TRPC5: variants seen among roughly 807,000 people sequenced by gnomAD.
TRPC5 encodes transient receptor potential cation channel subfamily C member 5, also known as short transient receptor potential channel 5.
A neutral mutation model predicts 56.5 loss-of-function variants in TRPC5; 9 were observed. That is an observed-to-expected ratio of 0.16 (90% confidence interval 0.10 to 0.28). The LOEUF (loss-of-function observed/expected upper bound fraction) is 0.28. TRPC5 is among the 10% of genes least tolerant of loss of function. TRPC5 has a pLI of 1.00. For missense variants in TRPC5, 469 were observed against 748.9 expected, an observed-to-expected ratio of 0.63 and a Z score of 4.36; for synonymous variants, 282 against 278.5, an observed-to-expected ratio of 1.01 and a Z score of -0.13.
intron 7 of TRPC5, among the ~76,000 whole-genome samples, chrX:111,813,460 T>G (rs760538540): frequency 1.8e-5 from 2 of 112,485 alleles, no homozygotes; most frequent in African/African-American, 3.2e-5. Flanking sequence ...AGAGGTTAAA[T>G]GAACATGCCT....
In TRPC5 at chrX:111,910,429, G is replaced by A. The variant is rs916104288; in HGVS notation, c.900+1862C>T. Among the ~76,000 whole-genome samples, 92 of 111,952 alleles carry A rather than the reference G, an allele frequency of 8.2e-4. 1 individual carries two copies. The highest frequency in any genetic ancestry group is 2.8e-3 in the African/African-American group (87 of 30,827). Reference sequence around the variant, plus strand: ...AGAGAGGGAGGGATAAGAGAAGGATGGGCCTTTACTATATCTATTACCTGC... The same window carrying A: ...AGAGAGGGAGGGATAAGAGAAGGATAGGCCTTTACTATATCTATTACCTGC... On this transcript the variant is annotated intron_variant, in intron 3 of 10. Transcript: ENST00000262839.
rs1945825409 is a variant in TRPC5, at chrX:111,768,381, T to G, written c.*7932A>C. ...GTATTCTCCTTCCTGCTACCAAATG[T>G]TAGTTTGTAGCTGCAGACTGCATTC... On this transcript the variant is annotated 3_prime_UTR_variant, in exon 11 of 11. Coordinates refer to ENST00000262839, the MANE Select transcript of TRPC5 (RefSeq NM_012471.3). Among the ~76,000 whole-genome samples the G allele has an allele frequency of 8.9e-6, 1 of 112,114 alleles. No individual in the cohort carries two copies. Among genetic ancestry groups the G allele is most frequent in the African/African-American group, 3.2e-5 (1 of 30,856 alleles).
At chrX:112,041,373 T>C (rs1929887788) in intron 1 of TRPC5, among the ~76,000 whole-genome samples, 1 of 112,261 alleles carries the variant, frequency 8.9e-6, no homozygotes, top group Non-Finnish European at 1.9e-5. Flanking sequence ...GGAAAGAAAT[T>C]GAAATTATAA....
chrX:111,938,490 A>T (rs1234272327), intron 2 of TRPC5, among the ~76,000 whole-genome samples: 1 of 111,520 alleles, frequency 9.0e-6, no homozygotes, highest in African/African-American at 3.3e-5. Context: ...GGTTTGTCAC[A>T]GATAGCTCTT....
chrX:111,967,066 A>G (rs1168205437), intron 1 of TRPC5, among the ~76,000 whole-genome samples: 1 of 111,840 alleles, frequency 8.9e-6, no homozygotes, highest in Non-Finnish European at 1.9e-5. Flanking sequence ...ACATGATTGT[A>G]TATCTAGAAA....
chrX:111,821,351 C>T (rs1922023611), intron 7 of TRPC5, among the ~76,000 whole-genome samples: 1 of 111,795 alleles, frequency 8.9e-6, no homozygotes, highest in African/African-American at 3.3e-5. Flanking sequence ...TTTCCCCTCC[C>T]ACATTTTCAC....
At chrX:111,869,028 G>A (rs141621153) in intron 3 of TRPC5, among the ~76,000 whole-genome samples, 3 of 111,931 alleles carry the variant, frequency 2.7e-5, no homozygotes, top group East Asian at 5.7e-4. Flanking sequence ...GGAGAAAAAC[G>A]CCCAAAAGGG....
At chrX:111,907,500 C>T (rs1925669369) in intron 3 of TRPC5, among the ~76,000 whole-genome samples, 2 of 110,025 alleles carry the variant, frequency 1.8e-5, no homozygotes, top group African/African-American at 6.6e-5. Context: ...TGGTGCATGC[C>T]TGTAGTTCCA....
At chrX:111,976,292 G>A (rs896277530) in intron 1 of TRPC5, among the ~76,000 whole-genome samples, 2 of 110,187 alleles carry the variant, frequency 1.8e-5, no homozygotes, top group Admixed American at 9.7e-5. Flanking sequence ...GTGTGGTGGT[G>A]TGCACTTGTA....
At chrX:111,962,742 T>A (rs767777715) in intron 1 of TRPC5, among the ~76,000 whole-genome samples, 2 of 112,571 alleles carry the variant, frequency 1.8e-5, no homozygotes, top group East Asian at 5.6e-4. Context: ...GGTAAAATGT[T>A]ATCAAACAGC....
At position 111,886,734 on chromosome X, in the gene TRPC5, A is replaced by G. The variant is rs374519901; in HGVS notation, c.900+25557T>C. 1.1e-4 allele frequency among the ~76,000 whole-genome samples: 12 copies of G among 112,093 alleles called. No individual in the cohort carries two copies. In the East Asian group the frequency reaches 2.5e-3, roughly 24 times the overall value. On this transcript the variant is annotated intron_variant, in intron 3 of 10. Coordinates refer to ENST00000262839, the MANE Select transcript of TRPC5 (RefSeq NM_012471.3). ...CTCCCTCTCTGGTACTGTGGATTCAATTGCCAGAAGGTACCGAGGACTTGG... is the reference window on the plus strand; with the variant it reads ...CTCCCTCTCTGGTACTGTGGATTCAGTTGCCAGAAGGTACCGAGGACTTGG...
At chrX:111,978,851 C>T (rs181950115) in intron 1 of TRPC5, among the ~76,000 whole-genome samples, 10 of 110,915 alleles carry the variant, frequency 9.0e-5, no homozygotes, top group Admixed American at 1.9e-4. Context: ...TCAAGTCATA[C>T]GTTTTAAGTA....
intron 3 of TRPC5, among the ~76,000 whole-genome samples, chrX:111,893,801 T>C (rs1924927712): frequency 8.9e-6 from 1 of 112,236 alleles, no homozygotes; most frequent in Non-Finnish European, 1.9e-5. Flanking sequence ...GCAAATGCTG[T>C]ATTGCACACA....
intron 2 of TRPC5, among the ~76,000 whole-genome samples, chrX:111,928,448 G>GA (rs202232014): frequency 0.011 from 1,252 of 110,997 alleles, 15 homozygotes; most frequent in African/African-American, 0.038. Context: ...CATTTTGAGA[G>GA]AAAAAAAACA....
At chrX:111,913,177 G>C (rs775066160) in intron 2 of TRPC5, among the ~76,000 whole-genome samples, 174 of 111,550 alleles carry the variant, frequency 1.6e-3, no homozygotes, top group Non-Finnish European at 2.3e-3. Context: ...CCAAGCTCTA[G>C]AGTCAAATTG....
chrX:111,934,254 G>GTT (rs779910448), intron 2 of TRPC5, among the ~76,000 whole-genome samples: 1 of 90,969 alleles, frequency 1.1e-5, no homozygotes, highest in Non-Finnish European at 2.3e-5. Context: ...GTTTTGTTCT[G>GTT]TTTTTTTTTT....
chrX:111,847,496 C>G, intron 5 of TRPC5, 60 bp from the exon 6 acceptor site: 1 of 1,066,279 alleles, frequency 9.4e-7, no homozygotes, highest in East Asian at 3.1e-5. Context: ...AAAACTTTCC[C>G]TTTTTTCCTT....
In TRPC5 at chrX:111,776,203, CTCCTT is replaced by C. The variant is rs1239195652; in HGVS notation, c.*105_*109del. ...AGATGGTGCAAATAAGAGTTTCACT[CTCCTT>C]TCTGGGGGGCAGGGGCAGTGAGGGA... On this transcript the variant is annotated 3_prime_UTR_variant, in exon 11 of 11. Coordinates refer to ENST00000262839, the MANE Select transcript of TRPC5 (RefSeq NM_012471.3). The C allele has an allele frequency of 4.1e-5, 31 of 760,094 alleles. No homozygotes were observed. Among genetic ancestry groups the C allele is most frequent in the Non-Finnish European group, 4.6e-5 (25 of 541,562 alleles). The allele number at this position is 760,094 out of a possible 1,213,427, so 62.6% of individuals were successfully genotyped here.
intron 7 of TRPC5, among the ~76,000 whole-genome samples, chrX:111,810,883 A>G (rs1921683222): frequency 1.8e-5 from 2 of 112,429 alleles, no homozygotes; most frequent in Non-Finnish European, 3.7e-5. Context: ...TGGTTTTAAC[A>G]TTATTACCTT....
Sources: gnomAD v4.1 joint callset for allele counts (sites outside exome capture counted in the v4.1 genomes callset) on GRCh38, gnomAD v4.1.1 for gene constraint, MANE v1.5 for transcripts, NCBI Gene and HGNC (gene_info 2026-07-23, HGNC 2026-07-21) for gene names.